The following RIC1 variants were observed in gnomAD, a reference collection of about 807,000 sequenced individuals.
RIC1 encodes the protein guanine nucleotide exchange factor subunit RIC1.
A neutral mutation model predicts 169.0 loss-of-function variants in RIC1; 88 were observed. That is an observed-to-expected ratio of 0.52 (90% confidence interval 0.44 to 0.62). The LOEUF is 0.62. RIC1 is among the 20% of genes least tolerant of loss of function. The pLI is 0.00. For synonymous variants in RIC1, 790 were observed against 601.5 expected, an observed-to-expected ratio of 1.31 and a Z score of -4.59; for missense variants, 1,877 against 1,725.5, an observed-to-expected ratio of 1.09 and a Z score of -1.56.
chr9:5,637,837 A>G (rs912584015), intron 1 of RIC1, among the ~76,000 whole-genome samples: 2 of 152,166 alleles, frequency 1.3e-5, no homozygotes, highest in Non-Finnish European at 2.9e-5. Context: ...TGCAAGTACC[A>G]TGTTTTCTTT....
intron 1 of RIC1, 80 bp from the exon 2 acceptor site, chr9:5,656,503 C>G (rs1458875687): frequency 4.9e-6 from 3 of 606,246 alleles, no homozygotes; most frequent in Non-Finnish European, 8.3e-6. Context: ...TTTGAATACT[C>G]TGTTATCTTA....
intron 6 of RIC1, among the ~76,000 whole-genome samples, chr9:5,725,200 G>A (rs1823887133): frequency 6.6e-6 from 1 of 152,052 alleles, no homozygotes; most frequent in Non-Finnish European, 1.5e-5. Context: ...ACTTTTTTTG[G>A]TTAGTAGGCT....
Position 5,635,360 on chromosome 9 carries a change from T to G in RIC1, c.144+5907T>G, listed in dbSNP as rs191214687. Among the ~76,000 whole-genome samples the G allele has an allele frequency of 3.7e-3, 565 of 152,284 alleles. 3 individuals are homozygous for G. The highest frequency in any genetic ancestry group is 4.9e-3 in the Non-Finnish European group (330 of 68,026). On this transcript the variant is annotated intron_variant, in intron 1 of 25. Transcript: ENST00000414202. Reference sequence around the variant, plus strand: ...TCTTTAATCCTTCTTGAGTTGATAGTGTAAGATAAGGGTCCAGTTTCCTTC... The same window carrying G: ...TCTTTAATCCTTCTTGAGTTGATAGGGTAAGATAAGGGTCCAGTTTCCTTC...
At chr9:5,675,209 G>A (rs770296605) in intron 2 of RIC1, among the ~76,000 whole-genome samples, 10 of 152,144 alleles carry the variant, frequency 6.6e-5, no homozygotes, top group East Asian at 1.9e-4. Flanking sequence ...GTGACTGGGC[G>A]AGTGGTTTGG....
chr9:5,689,211 G>C (rs967800010), intron 2 of RIC1, among the ~76,000 whole-genome samples: 12 of 151,706 alleles, frequency 7.9e-5, no homozygotes, highest in African/African-American at 2.9e-4. Context: ...ACCACGCCCG[G>C]CTAATTTTTT....
At chr9:5,707,494 C>T (rs1002881417) in intron 3 of RIC1, among the ~76,000 whole-genome samples, 2 of 152,082 alleles carry the variant, frequency 1.3e-5, no homozygotes, top group African/African-American at 4.8e-5. Context: ...TATTACACAT[C>T]TATTTTTCCC....
intron 7 of RIC1, among the ~76,000 whole-genome samples, 190 bp from the exon 8 acceptor site, chr9:5,738,260 A>C (rs1824852589): frequency 6.6e-6 from 1 of 152,170 alleles, no homozygotes; most frequent in African/African-American, 2.4e-5. Context: ...AATTTCTGGG[A>C]TATATCTGGA....
chr9:5,695,835 T>G (rs1223502905), intron 3 of RIC1, among the ~76,000 whole-genome samples: 1 of 152,118 alleles, frequency 6.6e-6, no homozygotes, highest in Non-Finnish European at 1.5e-5. Context: ...CCTCCCAAAG[T>G]GCTGGGATTT....
chr9:5,699,754 A>T (rs1025826413), intron 3 of RIC1, among the ~76,000 whole-genome samples: 24 of 152,166 alleles, frequency 1.6e-4, no homozygotes, highest in Admixed American at 1.0e-3. Flanking sequence ...TTTCTGATGT[A>T]TGTTCACTCT....
In RIC1 at chr9:5,774,158, A is replaced by G. The variant is rs778873124; in HGVS notation, c.4184A>G (p.Asn1395Ser). ...CCCCAGGGTGAAGTTGGAAGCAGCA[A>G]TATGGTCAGCCGGAAAGAGGAGGAC... ...SIPQGEVGSS[N>S]MVSRKEEDTA... is the part of the protein sequence containing the mutation. The change falls in exon 26 of 26, where the codon AAT becomes AGT. Residue 1395 changes from asparagine (N) to serine (S), a missense_variant. This residue lies in a region of RIC1 where 681 missense variants were observed against 582.0 expected (regional missense o/e 1.17). Transcript: ENST00000414202. 68 of 1,613,990 alleles carry G rather than the reference A, an allele frequency of 4.2e-5. No individual in the cohort carries two copies. The South Asian group carries it at 6.1e-4, about 15-fold the overall frequency.
intron 1 of RIC1, 115 bp from the exon 2 acceptor site, chr9:5,656,468 G>C (rs1819104231): frequency 1.9e-6 from 1 of 522,696 alleles, no homozygotes; most frequent in Non-Finnish European, 3.3e-6. Context: ...TATCAATATT[G>C]TCTTTTATTT....
chr9:5,684,023 A>T (rs189357548), intron 2 of RIC1, among the ~76,000 whole-genome samples: 17 of 151,976 alleles, frequency 1.1e-4, no homozygotes, highest in Admixed American at 3.9e-4. Flanking sequence ...GAGTGACTCG[A>T]TTTTCCTGGT....
intron 8 of RIC1, among the ~76,000 whole-genome samples, chr9:5,740,886 T>C (rs1825046298): frequency 6.6e-6 from 1 of 152,152 alleles, no homozygotes; most frequent in African/African-American, 2.4e-5. Context: ...TATTTAACTA[T>C]TCATGTTGAC....
At position 5,769,267 on chromosome 9, in the gene RIC1, C is replaced by G; in HGVS notation, c.3424+11C>G. 1.2e-6 allele frequency: 2 copies of G among 1,613,922 alleles called. No individual in the cohort carries two copies. The highest frequency in any genetic ancestry group is 2.2e-5 in the East Asian group (1 of 44,876). On this transcript the variant is annotated intron_variant, in intron 22 of 25. Coordinates refer to ENST00000414202, the MANE Select transcript of RIC1 (RefSeq NM_020829.4). The stretch of plus-strand genomic sequence containing the variant: ...GAAAATACCGAACTGGTAATGTAGA[C>G]TTCATGTCACTTGTACAAGGAGAAT...
intron 6 of RIC1, among the ~76,000 whole-genome samples, chr9:5,727,552 A>C (rs1294719527): frequency 6.6e-6 from 1 of 152,192 alleles, no homozygotes; most frequent in African/African-American, 2.4e-5. Flanking sequence ...AACTCATCAA[A>C]GTCATTCTCC....
chr9:5,756,096 CCT>C, intron 15 of RIC1, 114 bp from the exon 16 acceptor site: 1 of 525,610 alleles, frequency 1.9e-6, no homozygotes, highest in East Asian at 3.3e-5. Flanking sequence ...TCTTTTAACT[CCT>C]GTTACTAAAA....
intron 1 of RIC1, among the ~76,000 whole-genome samples, chr9:5,634,035 C>T (rs547728312): frequency 6.6e-6 from 1 of 152,016 alleles, no homozygotes; most frequent in Admixed American, 6.5e-5. Flanking sequence ...AAGTTTTGTC[C>T]ATGTTGTTGC....
chr9:5,714,824 A>G (rs980461367), intron 4 of RIC1, among the ~76,000 whole-genome samples: 2 of 152,308 alleles, frequency 1.3e-5, no homozygotes, highest in Middle Eastern at 3.4e-3. Flanking sequence ...GCTATGGGAC[A>G]GGTTTGGGGG....
chr9:5,733,778 T>C (rs1824522935), intron 7 of RIC1, among the ~76,000 whole-genome samples: 2 of 151,954 alleles, frequency 1.3e-5, no homozygotes, highest in African/African-American at 4.8e-5. Context: ...AGTCATATTT[T>C]GTTTAGAATT....
Sources: allele counts gnomAD v4.1 joint callset (sites outside exome capture counted in the v4.1 genomes callset), GRCh38; gene constraint gnomAD v4.1.1; regional missense constraint gnomAD v4.1.1; transcripts MANE v1.5; gene names NCBI Gene and HGNC (gene_info 2026-07-23, HGNC 2026-07-21).